Variants in SLC10A7 observed in about 807,000 individuals in gnomAD.
SLC10A7 encodes solute carrier family 10 member 7.
A neutral mutation model predicts 43.2 loss-of-function variants in SLC10A7; 29 were observed. The observed-to-expected ratio is 0.67, with a 90% CI of 0.50 to 0.92. The LOEUF (loss-of-function observed/expected upper bound fraction) is 0.92, where lower values mean the gene tolerates loss of function less well. Among genes scored for constraint, SLC10A7 ranks in the 40% least tolerant of loss-of-function variants. SLC10A7 has a pLI of 0.00. For missense variants in SLC10A7, 295 were observed against 403.2 expected (o/e 0.73, Z 2.30); for synonymous variants, 152 against 144.8 (o/e 1.05, Z -0.35).
chr4:146,281,753 C>T (rs1004327135), intron 10 of SLC10A7, among the ~76,000 whole-genome samples: 9 of 152,132 alleles, frequency 5.9e-5, no homozygotes, highest in Non-Finnish European at 1.2e-4. Flanking sequence ...TCAGGAGACT[C>T]GAACCTTGGG....
intron 5 of SLC10A7, among the ~76,000 whole-genome samples, chr4:146,395,435 G>C (rs894286163): frequency 1.3e-5 from 2 of 152,038 alleles, no homozygotes; most frequent in African/African-American, 4.8e-5. Context: ...CTACTATCTT[G>C]TATTTCATAG....
At chr4:146,397,032 G>T (rs557456623) in intron 5 of SLC10A7, among the ~76,000 whole-genome samples, 1 of 152,116 alleles carries the variant, frequency 6.6e-6, no homozygotes, top group East Asian at 1.9e-4. Flanking sequence ...CATAACATTT[G>T]ATTTCTTTTC....
Position 146,283,282 on chromosome 4 carries a change from A to AT in SLC10A7, c.774-18dup, listed in dbSNP as rs1729665820. ...GAATTATTCCTAGGGGCAAAAAAAG[A>AT]TTTTGACAAATACTTTTATAAAAAG... On this transcript the variant is annotated splice_polypyrimidine_tract_variant and intron_variant, in intron 9 of 11. Coordinates refer to ENST00000335472, the MANE Select transcript of SLC10A7 (RefSeq NM_001029998.6). 6.2e-7 allele frequency: 1 copy of AT among 1,607,144 alleles called. No individual in the cohort carries two copies.
chr4:146,485,538 G>C (rs1165575110), intron 4 of SLC10A7, among the ~76,000 whole-genome samples: 1 of 152,158 alleles, frequency 6.6e-6, no homozygotes, highest in African/African-American at 2.4e-5. Flanking sequence ...CAAAGAGCTG[G>C]TGTTCAAGGT....
intron 5 of SLC10A7, among the ~76,000 whole-genome samples, chr4:146,380,194 A>C (rs1737512101): frequency 6.6e-6 from 1 of 152,152 alleles, no homozygotes; most frequent in Non-Finnish European, 1.5e-5. Flanking sequence ...GGATCAATCT[A>C]CAACCCTATC....
intron 4 of SLC10A7, among the ~76,000 whole-genome samples, chr4:146,444,928 T>C (rs1730910933): frequency 6.6e-6 from 1 of 152,194 alleles, no homozygotes; most frequent in African/African-American, 2.4e-5. Context: ...TTGCAGTCTA[T>C]GAAAGAACCA....
intron 6 of SLC10A7, among the ~76,000 whole-genome samples, chr4:146,311,733 G>A (rs887624608): frequency 6.6e-6 from 1 of 151,980 alleles, no homozygotes; most frequent in Non-Finnish European, 1.5e-5. Flanking sequence ...CACATCACCC[G>A]CAGAGCCCAG....
intron 4 of SLC10A7, among the ~76,000 whole-genome samples, chr4:146,444,985 T>G (rs1730914142): frequency 6.6e-6 from 1 of 152,150 alleles, no homozygotes; most frequent in Admixed American, 6.6e-5. Context: ...TAGAGTATTT[T>G]ATTGATATAT....
At chr4:146,296,973 T>G (rs1027154084) in intron 7 of SLC10A7, among the ~76,000 whole-genome samples, 3 of 152,222 alleles carry the variant, frequency 2.0e-5, no homozygotes, top group Admixed American at 6.5e-5. Flanking sequence ...TATAGAAATC[T>G]TTAATAACCT....
intron 4 of SLC10A7, among the ~76,000 whole-genome samples, chr4:146,502,588 A>T (rs1240383539): frequency 6.6e-6 from 1 of 152,114 alleles, no homozygotes. Context: ...AAATGCTCAT[A>T]GCCAAAAATT....
chr4:146,314,008 T>C (rs1312675306), intron 6 of SLC10A7, among the ~76,000 whole-genome samples: 1 of 152,158 alleles, frequency 6.6e-6, no homozygotes, highest in Admixed American at 6.6e-5. Context: ...TAAAACAAAC[T>C]GTGTCTCCCA....
intron 7 of SLC10A7, among the ~76,000 whole-genome samples, chr4:146,295,692 T>C (rs1730736660): frequency 6.6e-6 from 1 of 152,132 alleles, no homozygotes; most frequent in Admixed American, 6.6e-5. Flanking sequence ...GGGACTTCAT[T>C]TAAAGGGTCA....
chr4:146,518,415 C>T (rs1446131365), intron 1 of SLC10A7, among the ~76,000 whole-genome samples: 1 of 152,056 alleles, frequency 6.6e-6, no homozygotes, highest in Non-Finnish European at 1.5e-5. Context: ...AACAGCCCCT[C>T]CAACAACAAA....
chr4:146,302,568 A>C (rs145726373), intron 7 of SLC10A7, among the ~76,000 whole-genome samples: 25 of 152,330 alleles, frequency 1.6e-4, no homozygotes, highest in African/African-American at 5.8e-4. Flanking sequence ...TATATCAGCT[A>C]TATGGTTCAA....
At chr4:146,359,429 T>C (rs1177607679) in intron 5 of SLC10A7, among the ~76,000 whole-genome samples, 1 of 152,192 alleles carries the variant, frequency 6.6e-6, no homozygotes, top group Admixed American at 6.5e-5. Flanking sequence ...AGTTACGTTT[T>C]TGTGACTTAA....
intron 8 of SLC10A7, 54 bp from the exon 9 acceptor site, chr4:146,293,034 C>T: frequency 8.8e-7 from 1 of 1,140,260 alleles, no homozygotes; most frequent in Non-Finnish European, 1.3e-6. Flanking sequence ...GTATTTGTAG[C>T]ATACTTATTG....
intron 9 of SLC10A7, among the ~76,000 whole-genome samples, chr4:146,286,635 G>T (rs1478149192): frequency 6.7e-6 from 1 of 149,910 alleles, no homozygotes; most frequent in African/African-American, 2.5e-5. Context: ...ACCGTGTCTG[G>T]AGTGGTGAGA....
At chr4:146,291,115 T>C (rs907770100) in intron 9 of SLC10A7, among the ~76,000 whole-genome samples, 2 of 152,198 alleles carry the variant, frequency 1.3e-5, no homozygotes, top group Non-Finnish European at 2.9e-5. Context: ...TAACAGGATA[T>C]CTGCATCCTA....
chr4:146,327,461 T>C (rs1361901246), intron 5 of SLC10A7, among the ~76,000 whole-genome samples: 1 of 152,248 alleles, frequency 6.6e-6, no homozygotes, highest in African/African-American at 2.4e-5. Context: ...GCTACTGTCC[T>C]TCAATGACTT....
Sources: allele counts gnomAD v4.1 joint callset (sites outside exome capture counted in the v4.1 genomes callset), GRCh38; gene constraint gnomAD v4.1.1; transcripts MANE v1.5; gene names NCBI Gene and HGNC (gene_info 2026-07-23, HGNC 2026-07-21).